Variants in CMSS1 observed in about 807,000 individuals in gnomAD.
CMSS1 encodes cms1 ribosomal small subunit homolog.
In CMSS1, 33 loss-of-function variants were observed where a neutral mutation model predicts 43.5. The ratio of observed to expected loss-of-function variants is 0.76; its 90% CI spans 0.57 to 1.01. The LOEUF (loss-of-function observed/expected upper bound fraction) is 1.01. CMSS1 is among the 50% of genes least tolerant of loss of function. CMSS1 has a pLI of 0.00. For synonymous variants in CMSS1, 115 were observed against 117.2 expected (o/e 0.98, Z 0.12); for missense variants, 313 against 326.4 (o/e 0.96, Z 0.32).
chr3:100,062,521 GGTCA>G (rs888485296), intron 1 of CMSS1, among the ~76,000 whole-genome samples: 1 of 151,950 alleles, frequency 6.6e-6, no homozygotes, highest in African/African-American at 2.4e-5. Flanking sequence ...CTCATACGGG[GGTCA>G]GTCACACCAA....
chr3:99,875,871 T>C (rs1021903246), intron 1 of CMSS1, among the ~76,000 whole-genome samples: 1 of 152,222 alleles, frequency 6.6e-6, no homozygotes, highest in Admixed American at 6.5e-5. Flanking sequence ...TAATCTGTTT[T>C]CTCCTCCAGA....
At chr3:99,991,757 A>G (rs1170163510) in intron 1 of CMSS1, among the ~76,000 whole-genome samples, 2 of 151,780 alleles carry the variant, frequency 1.3e-5, no homozygotes, top group African/African-American at 4.8e-5. Context: ...AGTTCCATCT[A>G]TGTTGCTGCA....
At chr3:100,096,927 A>G (rs1168313369) in intron 1 of CMSS1, among the ~76,000 whole-genome samples, 1 of 152,184 alleles carries the variant, frequency 6.6e-6, no homozygotes, top group Non-Finnish European at 1.5e-5. Flanking sequence ...AAATAAAAAA[A>G]TTTTAAATGA....
At chr3:100,134,412 T>A (rs2066733516) in intron 1 of CMSS1, among the ~76,000 whole-genome samples, 1 of 152,220 alleles carries the variant, frequency 6.6e-6, no homozygotes, top group Non-Finnish European at 1.5e-5. Flanking sequence ...TTAGGCTTTC[T>A]TCTGTCGCTG....
At position 99,924,438 on chromosome 3, in the gene CMSS1, C is replaced by A. The variant is rs773415185; in HGVS notation, c.64+106395C>A. On this transcript the variant is annotated intron_variant, in intron 1 of 9. Coordinates refer to ENST00000421999, the MANE Select transcript of CMSS1 (RefSeq NM_032359.4). ...GAAAGAAAACATTTATAGCCTGTTA[C>A]CAAATTGTTTATATACTGTTGTCTT... is the stretch of plus-strand genomic sequence containing the variant. The A allele has an allele frequency of 1.9e-6, 3 of 1,598,172 alleles. No homozygotes were observed. In the African/African-American group the frequency reaches 4.0e-5, roughly 21 times the overall value.
At chr3:100,104,422 T>A (rs2066360455) in intron 1 of CMSS1, among the ~76,000 whole-genome samples, 1 of 152,194 alleles carries the variant, frequency 6.6e-6, no homozygotes, top group Non-Finnish European at 1.5e-5. Context: ...GACCCACACT[T>A]TGTTTGAGAT....
intron 1 of CMSS1, among the ~76,000 whole-genome samples, chr3:99,878,699 G>T (rs1358392046): frequency 6.6e-6 from 1 of 152,204 alleles, no homozygotes; most frequent in African/African-American, 2.4e-5. Flanking sequence ...TCTTGTTCTA[G>T]TAAAATTAGA....
At chr3:100,040,754 C>T (rs922185701) in intron 1 of CMSS1, 1 of 152,174 alleles carries the variant, frequency 6.6e-6, no homozygotes, top group African/African-American at 2.4e-5. Context: ...GAGGGTGGTG[C>T]TGGGAGCCAT....
chr3:99,854,481 G>A (rs1943856889), intron 1 of CMSS1, among the ~76,000 whole-genome samples: 1 of 152,088 alleles, frequency 6.6e-6, no homozygotes, highest in South Asian at 2.1e-4. Context: ...GTCAAATTAT[G>A]ACTCCTTTTT....
At chr3:100,158,236 T>C (rs1450365058) in intron 2 of CMSS1, among the ~76,000 whole-genome samples, 1 of 152,228 alleles carries the variant, frequency 6.6e-6, no homozygotes, top group African/African-American at 2.4e-5. Context: ...CTTTAAGGAA[T>C]TGAAAATATG....
intron 2 of CMSS1, chr3:100,159,817 T>G: frequency 4.4e-6 from 2 of 452,820 alleles, no homozygotes; most frequent in Middle Eastern, 3.3e-4. Flanking sequence ...CAGATTACTC[T>G]AGATACTGTG....
At chr3:100,089,728 C>G (rs2066071350) in intron 1 of CMSS1, among the ~76,000 whole-genome samples, 1 of 152,170 alleles carries the variant, frequency 6.6e-6, no homozygotes, top group South Asian at 2.1e-4. Flanking sequence ...AGTAAGAATT[C>G]ATTGCTCGTT....
intron 1 of CMSS1, among the ~76,000 whole-genome samples, chr3:100,061,685 T>C (rs934994142): frequency 6.6e-6 from 1 of 152,210 alleles, no homozygotes; most frequent in African/African-American, 2.4e-5. Context: ...ATGAATTCAT[T>C]TAATTCATTT....
chr3:99,985,719 A>C (rs377406843), intron 1 of CMSS1, among the ~76,000 whole-genome samples: 1 of 151,932 alleles, frequency 6.6e-6, no homozygotes, highest in East Asian at 1.9e-4. Flanking sequence ...CTCCTGAGTA[A>C]ATGGGATTAC....
chr3:99,849,805 TTATTGTTTTCTTG>T, intron 1 of CMSS1: 1 of 1,612,908 alleles, frequency 6.2e-7, no homozygotes, highest in Non-Finnish European at 8.5e-7. Flanking sequence ...CTCCTTAATC[TTATTGTTTTCTTG>T]GTGTAATGCT....
At chr3:99,838,617 T>G (rs1013946427) in intron 1 of CMSS1, among the ~76,000 whole-genome samples, 1 of 152,160 alleles carries the variant, frequency 6.6e-6, no homozygotes, top group Admixed American at 6.5e-5. Context: ...ATTCAACTTA[T>G]AATGAATTTA....
At chr3:100,089,523 T>A (rs2066067562) in intron 1 of CMSS1, among the ~76,000 whole-genome samples, 1 of 152,174 alleles carries the variant, frequency 6.6e-6, no homozygotes, top group Non-Finnish European at 1.5e-5. Context: ...CACCTATAAG[T>A]CAAAGCCTCA....
rs1013640761 is a variant in CMSS1, at chr3:99,967,316, T to C, written c.64+149273T>C. On this transcript the variant is annotated intron_variant, in intron 1 of 9. Coordinates refer to ENST00000421999, the MANE Select transcript of CMSS1 (RefSeq NM_032359.4). ...GAGGATAGTGTTGGTAATAATGCCT[T>C]GTGTTTACATCATTCCTTTCACAGA... Among the ~76,000 whole-genome samples the C allele has an allele frequency of 2.0e-5, 3 of 152,238 alleles. No homozygotes were observed. In the East Asian group the frequency reaches 5.8e-4, roughly 29 times the overall value.
At position 100,096,148 on chromosome 3, in the gene CMSS1, A is replaced by G. The variant is rs926699133; in HGVS notation, c.65-50825A>G. On this transcript the variant is annotated intron_variant, in intron 1 of 9. Coordinates refer to ENST00000421999, the MANE Select transcript of CMSS1 (RefSeq NM_032359.4). ...AGGATGTGGAGAAAAGGGAACTCTCATACACTGTTGGTGGGAATGAAAATT... is the reference window on the plus strand; with the variant it reads ...AGGATGTGGAGAAAAGGGAACTCTCGTACACTGTTGGTGGGAATGAAAATT... Among the ~76,000 whole-genome samples, 5 of 152,190 alleles carry G rather than the reference A, an allele frequency of 3.3e-5. No individual in the cohort carries two copies. The East Asian group carries it at 5.8e-4, about 18-fold the overall frequency.
Sources: allele counts gnomAD v4.1 joint callset (sites outside exome capture counted in the v4.1 genomes callset), GRCh38; gene constraint gnomAD v4.1.1; transcripts MANE v1.5; gene names NCBI Gene and HGNC (gene_info 2026-07-23, HGNC 2026-07-21).